The following METAP1 variants were observed in gnomAD, a reference collection of about 807,000 sequenced individuals.
METAP1 encodes the protein methionyl aminopeptidase 1.
In METAP1, 28 loss-of-function variants were observed where a neutral mutation model predicts 53.8. The observed-to-expected ratio is 0.52, with a 90% CI of 0.39 to 0.71. The LOEUF (loss-of-function observed/expected upper bound fraction) is 0.71, where lower values mean the gene tolerates loss of function less well. METAP1 is among the 30% of genes least tolerant of loss of function. The probability of loss-of-function intolerance (pLI) is 0.00; values close to 1 mark genes in which losing one functional copy is unlikely to be tolerated. For missense variants in METAP1, 389 were observed against 479.8 expected (o/e 0.81, Z 1.77); for synonymous variants, 181 against 165.7 (o/e 1.09, Z -0.71).
chr4:99,033,546 G>A (rs1003400953), intron 2 of METAP1, among the ~76,000 whole-genome samples: 1 of 152,134 alleles, frequency 6.6e-6, no homozygotes, highest in Non-Finnish European at 1.5e-5. Context: ...AGCACACATA[G>A]ATTAATAACT....
chr4:99,030,329 A>G (rs1276557944), intron 2 of METAP1, among the ~76,000 whole-genome samples: 2 of 152,222 alleles, frequency 1.3e-5, no homozygotes, highest in East Asian at 1.9e-4. Context: ...ATAAACAGCA[A>G]GTGTTCCCTA....
intron 10 of METAP1, among the ~76,000 whole-genome samples, chr4:99,058,190 C>T (rs62325210): frequency 0.025 from 3,749 of 152,150 alleles, 58 homozygotes; most frequent in Non-Finnish European, 0.035. Flanking sequence ...CCACCCAGTT[C>T]GAGGCAGACA....
Position 99,022,955 on chromosome 4 carries a change from G to C in METAP1, c.115-5912G>C, listed in dbSNP as rs59357087. The C allele has an allele frequency of 1.4e-3, 2,148 of 1,487,462 alleles. 20 individuals are homozygous for C. In the African/African-American group the frequency reaches 0.026, roughly 18 times the overall value. 92.1% of individuals were successfully genotyped at this position (1,487,462 alleles called of 1,614,324 possible). A position where few individuals can be genotyped will look rare whatever the true frequency, so the allele number is the denominator to read the frequency against. ...GCACTGAGAAGGTTGCGGACATGTA[G>C]GGGCTGGAAGTGTGGTGGGATATGG... On this transcript the variant is annotated intron_variant, in intron 1 of 10. Transcript: ENST00000296411.
chr4:99,023,022 A>AG, intron 1 of METAP1: 1 of 1,444,398 alleles, frequency 6.9e-7, no homozygotes, highest in Non-Finnish European at 9.3e-7. Flanking sequence ...TCTTGCTGCC[A>AG]CAGGCTGCTG....
intron 5 of METAP1, among the ~76,000 whole-genome samples, chr4:99,039,891 C>T (rs1725729001): frequency 6.6e-6 from 1 of 151,190 alleles, no homozygotes; most frequent in East Asian, 1.9e-4. Context: ...CACACCTGGC[C>T]TTTTTTTGTA....
intron 1 of METAP1, among the ~76,000 whole-genome samples, chr4:99,004,591 T>G (rs998054154): frequency 6.6e-6 from 1 of 152,054 alleles, no homozygotes; most frequent in Non-Finnish European, 1.5e-5. Context: ...ATCTAACTTA[T>G]TAAAAAGAAC....
intron 1 of METAP1, among the ~76,000 whole-genome samples, chr4:99,027,661 C>T (rs1342757807): frequency 6.6e-6 from 1 of 151,978 alleles, no homozygotes; most frequent in African/African-American, 2.4e-5. Flanking sequence ...CCAGACTAAC[C>T]CAACCTCCCC....
rs115135243 is a variant in METAP1 at position 99,045,159 on chromosome 4, A to G, written c.656-20A>G. 1.9e-3 allele frequency: 3,090 copies of G among 1,609,590 alleles called. 53 individuals are homozygous for G. In the African/African-American group the frequency reaches 0.037, roughly 19 times the overall value. ...AAATGAAAATAAGTATGGTCTTTAT[A>G]TTTGCACATTCTCTTGCAGTGGATA... On this transcript the variant is annotated intron_variant, in intron 7 of 10. Coordinates refer to ENST00000296411, the MANE Select transcript of METAP1 (RefSeq NM_015143.3).
intron 7 of METAP1, among the ~76,000 whole-genome samples, chr4:99,044,463 C>T (rs1241932566): frequency 6.6e-6 from 1 of 152,060 alleles, no homozygotes; most frequent in Non-Finnish European, 1.5e-5. Flanking sequence ...TTGAGGCCAA[C>T]CCTGTTTTTC....
At chr4:99,002,652 A>T (rs972275680) in intron 1 of METAP1, among the ~76,000 whole-genome samples, 1 of 152,202 alleles carries the variant, frequency 6.6e-6, no homozygotes. Flanking sequence ...GGAACTTCTC[A>T]TGCTTTGTAA....
In METAP1 at chr4:99,028,937, T is replaced by A. The variant is rs917338347; in HGVS notation, c.166+19T>A. 2.0e-6 allele frequency: 3 copies of A among 1,495,066 alleles called. No homozygotes were observed. The highest frequency in any genetic ancestry group is 5.0e-5 in the East Asian group (2 of 40,260). 92.6% of individuals were successfully genotyped at this position (1,495,066 alleles called of 1,614,324 possible). ...AAAGCAAGTAAGTACAATCACAAAT[T>A]TTTACACCATTTGTCTTAGAAGTGG... On this transcript the variant is annotated intron_variant, in intron 2 of 10. Coordinates refer to ENST00000296411, the MANE Select transcript of METAP1 (RefSeq NM_015143.3).
At chr4:99,053,573 C>T (rs1050196707) in intron 9 of METAP1, among the ~76,000 whole-genome samples, 1 of 152,136 alleles carries the variant, frequency 6.6e-6, no homozygotes, top group Admixed American at 6.5e-5. Flanking sequence ...TTAATGGCAT[C>T]GAGAATGGTG....
At chr4:99,000,544 A>C (rs949615169) in intron 1 of METAP1, among the ~76,000 whole-genome samples, 2 of 152,222 alleles carry the variant, frequency 1.3e-5, no homozygotes, top group African/African-American at 2.4e-5. Flanking sequence ...GAAGGCTTAA[A>C]AATCTTTGAG....
intron 1 of METAP1, chr4:99,026,203 G>T: frequency 1.0e-6 from 1 of 984,372 alleles, no homozygotes; most frequent in Non-Finnish European, 1.2e-6. Flanking sequence ...GGGTTCATAA[G>T]CTCCTAAATT....
At chr4:99,052,273 A>G (rs528387552) in intron 9 of METAP1, among the ~76,000 whole-genome samples, 2 of 152,286 alleles carry the variant, frequency 1.3e-5, no homozygotes, top group South Asian at 4.1e-4. Flanking sequence ...GATGGCTACT[A>G]ACTGATCAGG....
At chr4:99,025,740 T>G (rs1724515812) in intron 1 of METAP1, among the ~76,000 whole-genome samples, 1 of 152,206 alleles carries the variant, frequency 6.6e-6, no homozygotes, top group South Asian at 2.1e-4. Flanking sequence ...TGGACGTGCC[T>G]CATTATACCC....
At chr4:99,019,994 T>G (rs1358524346) in intron 1 of METAP1, among the ~76,000 whole-genome samples, 1 of 152,146 alleles carries the variant, frequency 6.6e-6, no homozygotes, top group Non-Finnish European at 1.5e-5. Flanking sequence ...TTAATTCTTG[T>G]AGATCCCTCA....
At chr4:99,027,252 A>G (rs1470893771) in intron 1 of METAP1, among the ~76,000 whole-genome samples, 5 of 152,224 alleles carry the variant, frequency 3.3e-5, no homozygotes, top group African/African-American at 4.8e-5. Flanking sequence ...ATTAGTGTGC[A>G]TGGGGAAGAA....
At chr4:99,045,711 C>T (rs1726173111) in intron 8 of METAP1, among the ~76,000 whole-genome samples, 2 of 152,108 alleles carry the variant, frequency 1.3e-5, no homozygotes, top group African/African-American at 2.4e-5. Context: ...TGCCTCCCCT[C>T]TTATCTCTCT....
Sources: allele counts gnomAD v4.1 joint callset (sites outside exome capture counted in the v4.1 genomes callset), GRCh38; gene constraint gnomAD v4.1.1; transcripts MANE v1.5; gene names NCBI Gene and HGNC (gene_info 2026-07-23, HGNC 2026-07-21).